The following RBFOX2 variants were observed in gnomAD, a reference collection of about 807,000 sequenced individuals.
The protein encoded by RBFOX2 is RNA binding fox-1 homolog 2.
In RBFOX2, 10 loss-of-function variants were observed where a neutral mutation model predicts 49.1. The ratio of observed to expected loss-of-function variants is 0.20; its 90% CI spans 0.13 to 0.35. The LOEUF (loss-of-function observed/expected upper bound fraction) is 0.35, where lower values mean the gene tolerates loss of function less well. RBFOX2 is among the 10% of genes least tolerant of loss of function. The probability of loss-of-function intolerance (pLI) is 1.00; values close to 1 mark genes in which losing one functional copy is unlikely to be tolerated. For synonymous variants in RBFOX2, 183 were observed against 187.4 expected, an observed-to-expected ratio of 0.98 and a Z score of 0.19; for missense variants, 323 against 486.9, an observed-to-expected ratio of 0.66 and a Z score of 3.17.
At chr22:35,859,032 A>C (rs979519538) in intron 1 of RBFOX2, among the ~76,000 whole-genome samples, 7 of 152,174 alleles carry the variant, frequency 4.6e-5, no homozygotes, top group African/African-American at 1.7e-4. Flanking sequence ...AAGGCCTACA[A>C]ACAGCAAAAA....
intron 1 of RBFOX2, among the ~76,000 whole-genome samples, chr22:36,020,582 G>A (rs1289426723): frequency 6.6e-6 from 1 of 152,084 alleles, no homozygotes; most frequent in Non-Finnish European, 1.5e-5. Flanking sequence ...CCAAAAAGTG[G>A]GCAAAGGATA....
chr22:36,028,544 G>T, exon 1 of RBFOX2: 1 of 906,760 alleles, frequency 1.1e-6, no homozygotes, highest in Non-Finnish European at 1.3e-6. Flanking sequence ...CCCCGCGTGC[G>T]TGCGTGCGTG....
At chr22:35,802,868 G>C (rs1480866214) in intron 2 of RBFOX2, among the ~76,000 whole-genome samples, 1 of 152,118 alleles carries the variant, frequency 6.6e-6, no homozygotes, top group Non-Finnish European at 1.5e-5. Flanking sequence ...GGTCTCAACA[G>C]AAAGAAAACC....
At chr22:35,995,838 A>C (rs1008752001) in intron 1 of RBFOX2, 1 of 152,376 alleles carries the variant, frequency 6.6e-6, no homozygotes, top group African/African-American at 2.4e-5. Flanking sequence ...AGAACGGACT[A>C]ATACACCAAC....
chr22:35,909,707 A>G lies in RBFOX2; in HGVS notation c.-34+29140T>C, dbSNP rs942546607. ...GCTCACTGCAACCTCCGCTTCCCGG[A>G]TTCAAGCGATTCTCCTGCCTCAGCC... On this transcript the variant is annotated intron_variant, in intron 1 of 13. Coordinates refer to the RBFOX2 transcript ENST00000359369. Among the ~76,000 whole-genome samples the G allele has an allele frequency of 9.9e-5, 15 of 152,204 alleles. 1 individual carries two copies. Among genetic ancestry groups the G allele is most frequent in the Admixed American group, 8.5e-4 (13 of 15,288 alleles).
intron 1 of RBFOX2, among the ~76,000 whole-genome samples, chr22:35,903,914 C>G (rs141706358): frequency 2.0e-5 from 3 of 151,244 alleles, no homozygotes; most frequent in South Asian, 4.1e-4. Context: ...GATCTTATCA[C>G]TCTCCTACTT....
chr22:36,015,884 C>CT (rs2059015407), intron 1 of RBFOX2, among the ~76,000 whole-genome samples: 1 of 152,156 alleles, frequency 6.6e-6, no homozygotes, highest in South Asian at 2.1e-4. Flanking sequence ...AGAAAACAAA[C>CT]TTTAGGCTGT....
intron 4 of RBFOX2, among the ~76,000 whole-genome samples, chr22:35,768,570 T>C (rs181399497): frequency 6.6e-6 from 1 of 152,214 alleles, no homozygotes; most frequent in East Asian, 1.9e-4. Flanking sequence ...TTAACAGCAA[T>C]GTAACAATAA....
chr22:35,822,112 T>C (rs1954663781), intron 1 of RBFOX2, among the ~76,000 whole-genome samples: 1 of 152,198 alleles, frequency 6.6e-6, no homozygotes. Flanking sequence ...CAATAAAGTG[T>C]TAGTGGGTAA....
At chr22:35,943,715 A>G (rs1322127174), upstream of RBFOX2, among the ~76,000 whole-genome samples, 1 of 152,164 alleles carries the variant, frequency 6.6e-6, no homozygotes. Context: ...TGGCTAACAC[A>G]GTGAAATCCC....
At chr22:35,897,284 C>T in intron 1 of RBFOX2, 4 of 1,510,844 alleles carry the variant, frequency 2.6e-6, no homozygotes, top group South Asian at 1.1e-5. Flanking sequence ...CGGTCTTGGC[C>T]AGCTTCACAT....
At chr22:35,767,729 A>G (rs959060226) in intron 5 of RBFOX2, among the ~76,000 whole-genome samples, 9 of 152,122 alleles carry the variant, frequency 5.9e-5, no homozygotes, top group Admixed American at 2.0e-4. Flanking sequence ...CGAGTTTTGG[A>G]TTATTTCCTC....
At chr22:35,984,924 A>G (rs1162775033) in intron 1 of RBFOX2, among the ~76,000 whole-genome samples, 3 of 152,196 alleles carry the variant, frequency 2.0e-5, no homozygotes, top group African/African-American at 7.2e-5. Context: ...CAGGCAATGG[A>G]GATACAACAT....
chr22:35,756,346 G>A (rs1271868659), intron 9 of RBFOX2, among the ~76,000 whole-genome samples: 1 of 152,194 alleles, frequency 6.6e-6, no homozygotes, highest in Non-Finnish European at 1.5e-5. Context: ...GACATGCGAG[G>A]AGAGGGAAAG....
chr22:35,942,059 G>C (rs917623179), upstream of RBFOX2, among the ~76,000 whole-genome samples: 1 of 152,140 alleles, frequency 6.6e-6, no homozygotes, highest in Non-Finnish European at 1.5e-5. Flanking sequence ...GCACATAACT[G>C]TATTTTACTA....
rs539691390 is a variant in RBFOX2 at position 35,840,303 on chromosome 22, C to A, written c.-85G>T. 99 of 1,613,274 alleles carry A rather than the reference C, an allele frequency of 6.1e-5. No individual in the cohort carries two copies. In the Middle Eastern group the frequency reaches 6.6e-4, roughly 11 times the overall value. ...GCTTTCTTTTCCACCCCCCTCCCCC[C>A]CCAATCTAGCTATTTAAGGGTGGGT... is the stretch of plus-strand genomic sequence containing the variant. On this transcript the variant is annotated 5_prime_UTR_variant, in exon 1 of 12. Transcript: ENST00000405409.
intron 1 of RBFOX2, among the ~76,000 whole-genome samples, chr22:35,833,025 C>G (rs773376748): frequency 6.6e-6 from 1 of 152,040 alleles, no homozygotes; most frequent in Non-Finnish European, 1.5e-5. Context: ...ACACATTATA[C>G]GCATGTATCA....
At chr22:35,739,639 T>C (rs939463956) in exon 12 of RBFOX2, 1 of 152,608 alleles carries the variant, frequency 6.6e-6, no homozygotes, top group African/African-American at 2.4e-5. Flanking sequence ...AAAGCACTTA[T>C]CAGTCCCCAG....
intron 1 of RBFOX2, among the ~76,000 whole-genome samples, chr22:35,837,088 G>A (rs1957814347): frequency 6.6e-6 from 1 of 152,140 alleles, no homozygotes; most frequent in Non-Finnish European, 1.5e-5. Context: ...ATTGCCATTT[G>A]CTTTTTAGCA....
Sources: allele counts gnomAD v4.1 joint callset (sites outside exome capture counted in the v4.1 genomes callset), GRCh38; gene constraint gnomAD v4.1.1; transcripts MANE v1.5; gene names NCBI Gene and HGNC (gene_info 2026-07-23, HGNC 2026-07-21).